C10orf143: variants seen among roughly 807,000 people sequenced by gnomAD.
The protein encoded by C10orf143 is chromosome 10 open reading frame 143.
Position 130,053,265 on chromosome 10 carries a change from T to G in C10orf143, c.298-17295A>C, listed in dbSNP as rs139208970. 9.3e-3 allele frequency among the ~76,000 whole-genome samples: 1,410 copies of G among 152,318 alleles called. 15 individuals carry two copies. Among genetic ancestry groups the G allele is most frequent in the East Asian group, 0.041 (213 of 5,186 alleles). The stretch of plus-strand genomic sequence containing the variant: ...TAGTAGAAACGGGGTTTCACTATGT[T>G]GGCCAGGATGGTCTCGATCTCCTGA... On this transcript the variant is annotated intron_variant and NMD_transcript_variant, in intron 3 of 5. Transcript: ENST00000643056.
intron 1 of C10orf143, among the ~76,000 whole-genome samples, chr10:130,082,178 A>G (rs530300602): frequency 1.1e-4 from 16 of 151,976 alleles, no homozygotes; most frequent in African/African-American, 3.9e-4. Flanking sequence ...TACATATATG[A>G]TCTTCTTTTT....
chr10:130,103,491 A>G (rs551875412), intron 1 of C10orf143, among the ~76,000 whole-genome samples: 353 of 152,186 alleles, frequency 2.3e-3, no homozygotes, highest in Non-Finnish European at 3.3e-3. Context: ...CTCTGCCTCA[A>G]TAAGTAAATA....
intron 1 of C10orf143, among the ~76,000 whole-genome samples, chr10:130,081,180 C>T (rs1025582407): frequency 1.3e-5 from 2 of 151,660 alleles, no homozygotes; most frequent in African/African-American, 4.8e-5. Flanking sequence ...AAAAAGAGAG[C>T]AGGAGCAGAT....
chr10:130,068,617 A>AAAC (rs1860979740), intron 3 of C10orf143: 1 of 151,110 alleles, frequency 6.6e-6, no homozygotes, highest in African/African-American at 2.4e-5. Context: ...ATCTCAAAAA[A>AAAC]AAAAAAAAAA....
At chr10:130,057,638 G>T (rs1171752) in intron 3 of C10orf143, among the ~76,000 whole-genome samples, 68,194 of 150,850 alleles carry the variant, frequency 0.45, 15,676 homozygotes, top group East Asian at 0.54. Flanking sequence ...TGATTGTGGG[G>T]GAAGGGGGCT....
chr10:130,106,597 A>G, intron 1 of C10orf143: 1 of 1,500,768 alleles, frequency 6.7e-7, no homozygotes, highest in Non-Finnish European at 9.3e-7. Context: ...AATCCCTCAA[A>G]TCACAAGTAG....
At chr10:130,057,824 T>A (rs1482126934) in intron 3 of C10orf143, among the ~76,000 whole-genome samples, 3 of 152,306 alleles carry the variant, frequency 2.0e-5, no homozygotes, top group South Asian at 2.1e-4. Flanking sequence ...CACTAACTCC[T>A]CAGTGAGTGA....
chr10:130,070,872 G>A (rs1183991707), intron 3 of C10orf143, among the ~76,000 whole-genome samples: 1 of 152,034 alleles, frequency 6.6e-6, no homozygotes, highest in Non-Finnish European at 1.5e-5. Context: ...GAACATTTAG[G>A]TTGTTTCTGG....
At chr10:130,069,161 T>A (rs1207391612) in intron 3 of C10orf143, among the ~76,000 whole-genome samples, 1 of 152,144 alleles carries the variant, frequency 6.6e-6, no homozygotes, top group Non-Finnish European at 1.5e-5. Flanking sequence ...AGCGACATAC[T>A]ATGTGCAAGT....
downstream of C10orf143, among the ~76,000 whole-genome samples, chr10:130,059,195 C>T (rs1320027433): frequency 1.3e-5 from 2 of 152,122 alleles, no homozygotes; most frequent in South Asian, 2.1e-4. Flanking sequence ...TTACAATCAA[C>T]TCATGTAATG....
intron 3 of C10orf143, among the ~76,000 whole-genome samples, chr10:130,037,777 C>T (rs901104274): frequency 2.6e-5 from 4 of 152,320 alleles, no homozygotes; most frequent in African/African-American, 9.6e-5. Context: ...TCCCAGCTAA[C>T]CCACTGTGAT....
At chr10:130,106,385 G>A (rs1259086203) in intron 1 of C10orf143, 1 of 1,602,716 alleles carries the variant, frequency 6.2e-7, no homozygotes, top group East Asian at 2.2e-5. Context: ...ATCGTTAGAG[G>A]ATGCCAGCTT....
chr10:130,096,682 C>A (rs1861467768), intron 1 of C10orf143, among the ~76,000 whole-genome samples: 1 of 149,522 alleles, frequency 6.7e-6, no homozygotes, highest in Non-Finnish European at 1.5e-5. Context: ...ATCACACACC[C>A]ACACACTGGG....
intron 1 of C10orf143, chr10:130,106,394 T>G (rs1417061276): frequency 1.4e-5 from 22 of 1,602,714 alleles, no homozygotes; most frequent in Non-Finnish European, 1.9e-5. Flanking sequence ...GGATGCCAGC[T>G]TTGAGAAGGC....
At chr10:130,069,972 C>T (rs569066754) in intron 3 of C10orf143, among the ~76,000 whole-genome samples, 16 of 152,096 alleles carry the variant, frequency 1.1e-4, no homozygotes, top group Admixed American at 7.9e-4. Flanking sequence ...CTAAGTATCA[C>T]GTCCTTAATT....
intron 3 of C10orf143, among the ~76,000 whole-genome samples, chr10:130,046,861 G>C (rs1860681132): frequency 1.3e-5 from 2 of 152,252 alleles, no homozygotes; most frequent in South Asian, 4.1e-4. Flanking sequence ...CCCAGGGGGA[G>C]CTCCCTGACC....
At chr10:130,050,867 T>C (rs1383826799) in intron 3 of C10orf143, among the ~76,000 whole-genome samples, 1 of 152,202 alleles carries the variant, frequency 6.6e-6, no homozygotes, top group Admixed American at 6.5e-5. Context: ...ACCTCAGCCA[T>C]AGGCAGGTGT....
chr10:130,107,870 G>A (rs1170956126), intron 1 of C10orf143: 2 of 1,267,056 alleles, frequency 1.6e-6, no homozygotes. Flanking sequence ...TCCTCCACCA[G>A]CGCAATCATA....
intron 3 of C10orf143, among the ~76,000 whole-genome samples, chr10:130,057,855 T>C (rs900148886): frequency 4.6e-5 from 7 of 152,244 alleles, no homozygotes; most frequent in Non-Finnish European, 8.8e-5. Context: ...ACTGTTGTTA[T>C]TCTCATTTCA....
Sources: allele counts gnomAD v4.1 joint callset (sites outside exome capture counted in the v4.1 genomes callset), GRCh38; gene constraint gnomAD v4.1.1; transcripts MANE v1.5; gene names NCBI Gene and HGNC (gene_info 2026-07-23, HGNC 2026-07-21).